The following ALX3 variants were observed in gnomAD, a reference collection of about 807,000 sequenced individuals.
The protein encoded by ALX3 is homeobox protein aristaless-like 3.
In ALX3, 17 loss-of-function variants were observed where a neutral mutation model predicts 26.3. The ratio of observed to expected loss-of-function variants is 0.65; its 90% CI spans 0.44 to 0.97. ALX3 has a LOEUF of 0.97. ALX3 is among the 50% of genes least tolerant of loss of function. The pLI, the probability that ALX3 is intolerant of heterozygous loss-of-function variation, is 0.00. For missense variants in ALX3, 461 were observed against 466.5 expected, an observed-to-expected ratio of 0.99 and a Z score of 0.11; for synonymous variants, 208 against 201.4, an observed-to-expected ratio of 1.03 and a Z score of -0.28.
At chr1:110,061,338 A>G (rs2101794660) in intron 3 of ALX3, 97 bp downstream of exon 3, 1 of 1,581,342 alleles carries the variant, frequency 6.3e-7, no homozygotes, top group South Asian at 1.1e-5. Context: ...CCACTGTCAT[A>G]CAGAACGCTG....
chr1:110,061,626 A>T (rs897853201), intron 2 of ALX3, 63 bp from the exon 3 acceptor site: 2 of 1,606,014 alleles, frequency 1.2e-6, no homozygotes, highest in Admixed American at 3.3e-5. Context: ...GGAGCCTGCT[A>T]GGGAGAGCTG....
At chr1:110,064,184 C>T (rs764194473) in intron 2 of ALX3, among the ~76,000 whole-genome samples, 2 of 152,182 alleles carry the variant, frequency 1.3e-5, no homozygotes, top group African/African-American at 2.4e-5. Context: ...AGCACTTCAC[C>T]GCTTCCAAAA....
At chr1:110,070,120 G>A (rs1204459461) in intron 1 of ALX3, among the ~76,000 whole-genome samples, 2 of 152,090 alleles carry the variant, frequency 1.3e-5, no homozygotes, top group African/African-American at 2.4e-5. Flanking sequence ...TCCCGCCGCC[G>A]AGGAACGGTG....
rs114204637 is a variant in ALX3, at chr1:110,065,699, T to C, written c.278-796A>G. 9.2e-3 allele frequency among the ~76,000 whole-genome samples: 1,396 copies of C among 152,268 alleles called. 25 individuals carry two copies. The highest frequency in any genetic ancestry group is 0.033 in the African/African-American group (1,351 of 41,550). On this transcript the variant is annotated intron_variant, in intron 1 of 3. Coordinates refer to ENST00000647563, the MANE Select transcript of ALX3 (RefSeq NM_006492.3). ...ATTCCCATCATTGACCACCCCCTCC[T>C]TCCTCAGGAGTTTCTAACTGCTCCC...
Position 110,061,524 on chromosome 1 carries a change from C to T in ALX3, c.634G>A (p.Glu212Lys), listed in dbSNP as rs778377987. ...QNRRAKWRKR[E>K]RYGKIQEGRN... ...CCCTCCTGGATCTTCCCATAACGCT[C>T]GCGCTTCCGCCACTTGGCTCTGCGG... Residue 212 changes from glutamate to lysine, a missense_variant, in exon 3 of 4, where the codon GAG becomes AAG. Coordinates refer to ENST00000647563, the MANE Select transcript of ALX3 (RefSeq NM_006492.3). 12 of 1,614,170 alleles carry T rather than the reference C, an allele frequency of 7.4e-6. No individual in the cohort carries two copies. Among genetic ancestry groups the T allele is most frequent in the South Asian group, 6.6e-5 (6 of 91,078 alleles).
intron 1 of ALX3, among the ~76,000 whole-genome samples, chr1:110,067,277 C>T (rs1006694582): frequency 6.6e-6 from 1 of 152,202 alleles, no homozygotes; most frequent in Non-Finnish European, 1.5e-5. Context: ...CTGCTGAGCA[C>T]GGGGCACATC....
At chr1:110,061,221 T>G in intron 3 of ALX3, 180 bp from the exon 4 acceptor site, 1 of 1,038,726 alleles carries the variant, frequency 9.6e-7, no homozygotes, top group Non-Finnish European at 1.4e-6. Flanking sequence ...CCCCTGCCAC[T>G]GTTCTCAAAA....
At chr1:110,068,301 T>C (rs1653836299) in intron 1 of ALX3, among the ~76,000 whole-genome samples, 1 of 152,178 alleles carries the variant, frequency 6.6e-6, no homozygotes, top group Non-Finnish European at 1.5e-5. Context: ...GGTTCCCTCT[T>C]CGCCCGCCAC....
chr1:110,067,506 C>T (rs910541907), intron 1 of ALX3, among the ~76,000 whole-genome samples: 1 of 152,182 alleles, frequency 6.6e-6, no homozygotes, highest in African/African-American at 2.4e-5. Flanking sequence ...TCAGGCCTGC[C>T]GTACCCTGAG....
chr1:110,066,572 TCC>T (rs71580517), intron 1 of ALX3, among the ~76,000 whole-genome samples: 1 of 72,588 alleles, frequency 1.4e-5, no homozygotes, highest in Non-Finnish European at 2.6e-5. Flanking sequence ...GAATGGGACA[TCC>T]CCCCCCCCCG....
At chr1:110,063,534 C>T (rs1653703878) in intron 2 of ALX3, among the ~76,000 whole-genome samples, 1 of 152,180 alleles carries the variant, frequency 6.6e-6, no homozygotes, top group Admixed American at 6.5e-5. Context: ...CCTGCCAGGA[C>T]TATCTCCTGC....
At chr1:110,068,923 C>T (rs1316712081) in intron 1 of ALX3, among the ~76,000 whole-genome samples, 1 of 152,220 alleles carries the variant, frequency 6.6e-6, no homozygotes, top group Non-Finnish European at 1.5e-5. Context: ...GCGCTCTCTG[C>T]AGTTCGCGCG....
intron 2 of ALX3, among the ~76,000 whole-genome samples, chr1:110,063,313 GC>G (rs1297809859): frequency 1.3e-5 from 2 of 152,164 alleles, no homozygotes; most frequent in Non-Finnish European, 2.9e-5. Flanking sequence ...TGAATGCCGG[GC>G]CTCTTGCCCT....
Position 110,064,875 on chromosome 1 carries a change from G to C in ALX3, c.306C>G (p.Ser102Arg). 4 of 1,610,404 alleles carry C rather than the reference G, an allele frequency of 2.5e-6. No individual in the cohort carries two copies. The highest frequency in any genetic ancestry group is 3.4e-6 in the Non-Finnish European group (4 of 1,178,168). Reference sequence around the variant, plus strand: ...GGCAGTCCAAGGGCAGCTGGGGGAAGCTGGCAGCTTTGGAGGTCTTCTCCT... The same window carrying C: ...GGCAGTCCAAGGGCAGCTGGGGGAACCTGGCAGCTTTGGAGGTCTTCTCCT... ...EAEEKTSKAA[S>R]FPQLPLDCRG... Residue 102 changes from serine (S) to arginine (R), a missense_variant, in exon 2 of 4, where the codon AGC becomes AGG. Around this residue, in one of 3 missense-constraint regions of ALX3, gnomAD observed 241 missense variants for 206.1 expected, o/e 1.17. Transcript: ENST00000647563.
In ALX3 at chr1:110,060,521, G is replaced by C. The variant is rs1653605211; in HGVS notation, c.*212C>G. On this transcript the variant is annotated 3_prime_UTR_variant, in exon 4 of 4. Transcript: ENST00000647563. ...GAGGGGACTCAGTTTGTGGTAGGAA[G>C]AGTCCTGGCTGCTTCGAAGCCCCTT... is the stretch of plus-strand genomic sequence containing the variant. The C allele has an allele frequency of 7.0e-6, 3 of 426,888 alleles. No homozygotes were observed. Among genetic ancestry groups the C allele is most frequent in the African/African-American group, 2.0e-5 (1 of 49,744 alleles). The allele number at this position is 426,888 out of a possible 1,614,324, so 26.4% of individuals were successfully genotyped here. A position where few individuals can be genotyped will look rare whatever the true frequency, so the allele number is the denominator to read the frequency against.
At chr1:110,068,740 A>G (rs1337344084) in intron 1 of ALX3, among the ~76,000 whole-genome samples, 2 of 150,462 alleles carry the variant, frequency 1.3e-5, no homozygotes, top group Non-Finnish European at 2.9e-5. Flanking sequence ...GCCGACTGCC[A>G]TTTACCCTCT....
chr1:110,069,143 T>C (rs1653859098), intron 1 of ALX3, among the ~76,000 whole-genome samples: 1 of 152,250 alleles, frequency 6.6e-6, no homozygotes, highest in Non-Finnish European at 1.5e-5. Context: ...AAGTCCCAAC[T>C]GTGGTTTTTA....
In ALX3 at chr1:110,070,626, G is replaced by C; in HGVS notation, c.-14C>G. 8.2e-7 allele frequency: 1 copy of C among 1,219,692 alleles called. No individual in the cohort carries two copies. 75.6% of individuals were successfully genotyped at this position (1,219,692 alleles called of 1,614,324 possible). A position where few individuals can be genotyped will look rare whatever the true frequency, so the allele number is the denominator to read the frequency against. On this transcript the variant is annotated 5_prime_UTR_variant, in exon 1 of 4. Coordinates refer to ENST00000647563, the MANE Select transcript of ALX3 (RefSeq NM_006492.3). ...CTCGGGGTCCATGCCGGCTCAGGGCGCACAGGCCTCCGGGGCTCCGGGGCT... is the reference window on the plus strand; with the variant it reads ...CTCGGGGTCCATGCCGGCTCAGGGCCCACAGGCCTCCGGGGCTCCGGGGCT...
intron 1 of ALX3, 51 bp downstream of exon 1, chr1:110,070,285 G>A (rs1232982241): frequency 7.8e-7 from 1 of 1,287,344 alleles, no homozygotes; most frequent in Non-Finnish European, 9.8e-7. Context: ...CCCGGGTAAG[G>A]AAGAAGAAGA....
Sources: allele counts gnomAD v4.1 joint callset (sites outside exome capture counted in the v4.1 genomes callset), GRCh38; gene constraint gnomAD v4.1.1; regional missense constraint gnomAD v4.1.1; transcripts MANE v1.5; gene names NCBI Gene and HGNC (gene_info 2026-07-23, HGNC 2026-07-21).